Variants in RUVBL1 observed in about 807,000 individuals in gnomAD.
The protein encoded by RUVBL1 is RuvB like AAA ATPase 1, also known as ruvB-like 1.
In RUVBL1, 4 loss-of-function variants were observed where a neutral mutation model predicts 52.4. The ratio of observed to expected loss-of-function variants is 0.08; its 90% CI spans 0.04 to 0.17. The LOEUF (loss-of-function observed/expected upper bound fraction) is 0.17, where lower values mean the gene tolerates loss of function less well. Among genes scored for constraint, RUVBL1 ranks in the 10% least tolerant of loss-of-function variants. RUVBL1 has a pLI of 1.00. For missense variants in RUVBL1, 298 were observed against 572.8 expected (o/e 0.52, Z 4.90); for synonymous variants, 217 against 214.4 (o/e 1.01, Z -0.10).
chr3:128,153,138 C>T (rs113505383), intron 1 of RUVBL1: 3 of 896,608 alleles, frequency 3.3e-6, no homozygotes, highest in East Asian at 1.4e-4. Flanking sequence ...TTTTACAGAG[C>T]GCTGATTGGT....
chr3:128,067,278 C>G lies in RUVBL1; in HGVS notation c.940-2058G>C. 1 of 1,289,874 alleles carries G rather than the reference C, an allele frequency of 7.8e-7. No individual in the cohort carries two copies. Among genetic ancestry groups the G allele is most frequent in the Non-Finnish European group, 1.1e-6 (1 of 918,876 alleles). 79.9% of individuals were successfully genotyped at this position (1,289,874 alleles called of 1,614,324 possible). ...CATTGTGCCTTTTACAAATTCAGCA[C>G]ATTAAATTATCTTTTCAGTAAAAAA... On this transcript the variant is annotated intron_variant, in intron 9 of 9. Transcript: ENST00000464873. The surrounding 1 kb of genome is among the most constrained non-coding windows in gnomAD (Gnocchi z 4.1).
chr3:128,096,900 G>A (rs991319063), intron 8 of RUVBL1, among the ~76,000 whole-genome samples: 1 of 152,108 alleles, frequency 6.6e-6, no homozygotes, highest in Non-Finnish European at 1.5e-5. Flanking sequence ...TTTACGATGA[G>A]GGACAAGTTA....
intron 8 of RUVBL1, among the ~76,000 whole-genome samples, chr3:128,092,785 C>A (rs1339762155): frequency 6.6e-6 from 1 of 152,216 alleles, no homozygotes; most frequent in African/African-American, 2.4e-5. Context: ...TGGAAAACAG[C>A]TGGCAGTTCC....
intron 1 of RUVBL1, among the ~76,000 whole-genome samples, chr3:128,150,906 TA>T (rs1376532864): frequency 3.0e-5 from 2 of 65,862 alleles, no homozygotes; most frequent in African/African-American, 7.3e-5. Flanking sequence ...ATATATAATA[TA>T]ATATTCTATA....
At chr3:128,088,722 C>A (rs1213194500) in intron 8 of RUVBL1, among the ~76,000 whole-genome samples, 1 of 151,940 alleles carries the variant, frequency 6.6e-6, no homozygotes, top group Non-Finnish European at 1.5e-5. Context: ...CCCACCTCAG[C>A]CTCCCGAGTA....
At position 128,082,368 on chromosome 3, in the gene RUVBL1, G is replaced by A. The variant is rs765616582; in HGVS notation, c.1211+115C>T. 402 of 754,564 alleles carry A rather than the reference G, an allele frequency of 5.3e-4. 2 individuals are homozygous for A. The highest frequency in any genetic ancestry group is 2.0e-4 in the Admixed American group (9 of 45,458). The allele number at this position is 754,564 out of a possible 1,614,324, so 46.7% of individuals were successfully genotyped here. On this transcript the variant is annotated intron_variant, in intron 10 of 10. Transcript: ENST00000322623. The surrounding 1 kb of genome is among the most constrained non-coding windows in gnomAD (Gnocchi z 4.7). ...TGGCACCCATCGCGCCAGGAAGAGC[G>A]GATGGATAGAGTCCCATGCCCTAGG...
chr3:128,150,604 GAACT>G lies in RUVBL1; in HGVS notation c.-40+2595_-40+2598del, dbSNP rs1445276134. On this transcript the variant is annotated intron_variant, in intron 1 of 9. Coordinates refer to the RUVBL1 transcript ENST00000464873. ...TTCCACAGAATATATATATTTGACA[GAACT>G]AATAGAATATATATTCTATGTATAT... 1.5e-4 allele frequency among the ~76,000 whole-genome samples: 19 copies of G among 126,770 alleles called. No individual in the cohort carries two copies. In the East Asian group the frequency reaches 2.4e-3, roughly 16 times the overall value. 83.2% of individuals were successfully genotyped at this position (126,770 alleles called of 152,430 possible). A position where few individuals can be genotyped will look rare whatever the true frequency, so the allele number is the denominator to read the frequency against.
intron 6 of RUVBL1, among the ~76,000 whole-genome samples, chr3:128,099,204 C>T (rs987786868): frequency 1.4e-4 from 21 of 152,200 alleles, no homozygotes; most frequent in African/African-American, 4.8e-4. Flanking sequence ...TTTTTCCAAC[C>T]CCTTGTTCCT....
intron 9 of RUVBL1, chr3:128,069,833 T>C: frequency 1.5e-6 from 1 of 664,408 alleles, no homozygotes; most frequent in Non-Finnish European, 2.5e-6. Flanking sequence ...AAAATTTTGC[T>C]TTTTATCCTG....
intron 9 of RUVBL1, among the ~76,000 whole-genome samples, chr3:128,073,914 A>T (rs1942239035): frequency 6.6e-6 from 1 of 152,260 alleles, no homozygotes; most frequent in Non-Finnish European, 1.5e-5. Flanking sequence ...CATTCTTTAT[A>T]TGTTGAGTTA....
chr3:128,143,125 C>T (rs1944053548), intron 1 of RUVBL1, among the ~76,000 whole-genome samples: 1 of 151,398 alleles, frequency 6.6e-6, no homozygotes, highest in Non-Finnish European at 1.5e-5. Context: ...TTACACCAGG[C>T]CCACCCTGAT....
downstream of RUVBL1, among the ~76,000 whole-genome samples, chr3:128,079,955 G>A (rs1230147660): frequency 6.6e-6 from 1 of 152,232 alleles, no homozygotes; most frequent in East Asian, 1.9e-4. Flanking sequence ...AGCAAGTGCT[G>A]GGAACAGCGT....
intron 2 of RUVBL1, among the ~76,000 whole-genome samples, chr3:128,113,270 A>G (rs1227641524): frequency 6.6e-6 from 1 of 152,192 alleles, no homozygotes; most frequent in Non-Finnish European, 1.5e-5. Flanking sequence ...CCAACTCCAA[A>G]TGCCTCACAT....
chr3:128,150,666 C>CATATATTCTATACATATTCTATACATT (rs1944173701), intron 1 of RUVBL1, among the ~76,000 whole-genome samples: 1 of 125,512 alleles, frequency 8.0e-6, no homozygotes, highest in Non-Finnish European at 1.6e-5. Context: ...ATATTCTATA[C>CATATATTCTATACATATTCTATACATT]ATATATTCTA....
chr3:128,081,361 G>A lies in RUVBL1; in HGVS notation c.1260C>T (p.Asn420=), dbSNP rs748338865. ...GCTCTTTCTCAATGCTGTCCTTCCC[G>A]TTGATTTTAGCAAGCAAGTTGGCCG... ...LTPANLLAKI[N]GKDSIEKEHV... is the part of the protein sequence containing the mutation. Residue 420 remains asparagine (N), a synonymous_variant, in exon 11 of 11, where the codon AAC becomes AAT. Transcript: ENST00000322623. The surrounding 1 kb of genome is among the most constrained non-coding windows in gnomAD (Gnocchi z 4.8). 17 of 1,614,016 alleles carry A rather than the reference G, an allele frequency of 1.1e-5. No homozygotes were observed. Among genetic ancestry groups the A allele is most frequent in the African/African-American group, 4.0e-5 (3 of 74,932 alleles).
At chr3:128,110,909 AT>A (rs987589382) in intron 3 of RUVBL1, among the ~76,000 whole-genome samples, 11 of 151,904 alleles carry the variant, frequency 7.2e-5, no homozygotes, top group Non-Finnish European at 1.5e-4. Flanking sequence ...CTGTTTTCAT[AT>A]TTTTTAGCTA....
intron 1 of RUVBL1, among the ~76,000 whole-genome samples, chr3:128,135,165 C>G (rs574403769): frequency 2.0e-5 from 3 of 152,288 alleles, no homozygotes; most frequent in Admixed American, 6.5e-5. Context: ...TACAAAGGAG[C>G]TCCAATATAT....
intron 8 of RUVBL1, among the ~76,000 whole-genome samples, chr3:128,090,652 T>C (rs1942811436): frequency 6.6e-6 from 1 of 152,262 alleles, no homozygotes; most frequent in South Asian, 2.1e-4. Flanking sequence ...AGAAGAATTA[T>C]AAAGATGAAA....
chr3:128,105,121 T>G (rs1192933632), intron 3 of RUVBL1, among the ~76,000 whole-genome samples, 197 bp from the exon 4 acceptor site: 3 of 151,562 alleles, frequency 2.0e-5, no homozygotes, highest in African/African-American at 7.3e-5. Context: ...CTTTTTTTTT[T>G]TTTTTTTTTG....
Sources: allele counts gnomAD v4.1 joint callset (sites outside exome capture counted in the v4.1 genomes callset), GRCh38; gene constraint gnomAD v4.1.1; non-coding constraint Gnocchi (gnomAD v3.1); transcripts MANE v1.5; gene names NCBI Gene and HGNC (gene_info 2026-07-23, HGNC 2026-07-21).